PINK1: variants seen among roughly 807,000 people sequenced by gnomAD.
PINK1 encodes the protein PTEN induced kinase 1.
PINK1 carries 58 observed loss-of-function variants against 56.0 expected under a neutral mutation model. That is an observed-to-expected ratio of 1.04 (90% confidence interval 0.84 to 1.29). The LOEUF is 1.29. PINK1 is among the 50% of genes most tolerant of loss of function. The probability of loss-of-function intolerance (pLI) is 0.00; values close to 1 mark genes in which losing one functional copy is unlikely to be tolerated. For missense variants in PINK1, 745 were observed against 777.9 expected (o/e 0.96, Z 0.50); for synonymous variants, 354 against 339.3 (o/e 1.04, Z -0.48).
At position 20,648,381 on chromosome 1, in the gene PINK1, G is replaced by A. The variant is rs2053214339; in HGVS notation, c.1124-124G>A. On this transcript the variant is annotated intron_variant, in intron 5 of 7. Transcript: ENST00000321556. ...GCTCTCAGGCCTTGCTGACCTCCTGGGCCAACACTGAGCCATTAGCCCCTG... is the reference window on the plus strand; with the variant it reads ...GCTCTCAGGCCTTGCTGACCTCCTGAGCCAACACTGAGCCATTAGCCCCTG... 6 of 1,449,976 alleles carry A rather than the reference G, an allele frequency of 4.1e-6. No homozygotes were observed. The East Asian group carries it at 7.4e-5, about 18-fold the overall frequency. The allele number at this position is 1,449,976 out of a possible 1,614,324, so 89.8% of individuals were successfully genotyped here.
intron 1 of PINK1, among the ~76,000 whole-genome samples, chr1:20,634,707 A>C (rs1482085532): frequency 6.6e-6 from 1 of 152,224 alleles, no homozygotes; most frequent in Non-Finnish European, 1.5e-5. Context: ...GGGAGGAGCC[A>C]GCGGTGCAGT....
In PINK1 at chr1:20,633,862, G is replaced by A. The variant is rs543071128; in HGVS notation, c.314G>A (p.Gly105Glu). 2 of 1,578,076 alleles carry A rather than the reference G, an allele frequency of 1.3e-6. No individual in the cohort carries two copies. Among genetic ancestry groups the A allele is most frequent in the South Asian group, 1.2e-5 (1 of 86,540 alleles). ...GGCCGGGCAGTCTTTCTGGCCTTCG[G>A]GCTAGGGCTGGGCCTCATCGAGGAA... Reference protein sequence around the residue: ...PCGRAVFLAFGLGLGLIEEKQ... With the variant: ...PCGRAVFLAFELGLGLIEEKQ... Residue 105 changes from glycine to glutamate, a missense_variant, in exon 1 of 8, where the codon GGG becomes GAG. Coordinates refer to ENST00000321556, the MANE Select transcript of PINK1 (RefSeq NM_032409.3).
intron 5 of PINK1, chr1:20,648,184 A>C: frequency 2.5e-6 from 1 of 396,792 alleles, no homozygotes. Flanking sequence ...CTCCTGGGGT[A>C]TAAGGGCCCT....
chr1:20,637,735 G>T, intron 1 of PINK1, 107 bp from the exon 2 acceptor site: 1 of 1,320,730 alleles, frequency 7.6e-7, no homozygotes, highest in Non-Finnish European at 1.1e-6. Flanking sequence ...TATTGATCTG[G>T]TCGACGTGGA....
chr1:20,644,749 C>T (rs2053157441), intron 4 of PINK1, 77 bp downstream of exon 4: 2 of 1,550,342 alleles, frequency 1.3e-6, no homozygotes, highest in Middle Eastern at 2.0e-4. Context: ...TCCATGTGCA[C>T]CTTGATCAGG....
chr1:20,646,677 C>T (rs75236086), intron 5 of PINK1, among the ~76,000 whole-genome samples: 3,517 of 152,046 alleles, frequency 0.023, 123 homozygotes, highest in African/African-American at 0.069. Context: ...ATTTTTCAAA[C>T]AATGAAAGCT....
chr1:20,640,068 C>A, intron 3 of PINK1, 76 bp downstream of exon 3: 1 of 1,192,692 alleles, frequency 8.4e-7, no homozygotes, highest in Non-Finnish European at 1.2e-6. Context: ...GTCCTCAGCA[C>A]CTGGTACAGT....
intron 7 of PINK1, chr1:20,650,123 T>C: frequency 2.3e-6 from 1 of 438,496 alleles, no homozygotes. Context: ...TATGAAATGA[T>C]AGAGGAGACT....
chr1:20,634,123 C>A (rs1471176856), intron 1 of PINK1, among the ~76,000 whole-genome samples, 188 bp downstream of exon 1: 2 of 152,196 alleles, frequency 1.3e-5, no homozygotes, highest in Non-Finnish European at 2.9e-5. Flanking sequence ...GCCAGCACCT[C>A]CCATTTGTTT....
intron 2 of PINK1, chr1:20,639,457 G>A (rs532636834): frequency 3.7e-6 from 1 of 268,730 alleles, no homozygotes; most frequent in South Asian, 4.2e-5. Flanking sequence ...GGGGATGGAG[G>A]AAGGCTGTTC....
intron 3 of PINK1, 77 bp from the exon 4 acceptor site, chr1:20,644,413 G>A (rs2053150598): frequency 7.0e-7 from 1 of 1,427,932 alleles, no homozygotes; most frequent in African/African-American, 1.4e-5. Context: ...TGCCAGTGTT[G>A]GTGTGGCCTT....
Position 20,645,678 on chromosome 1 carries a change from C to A in PINK1, c.1078C>A (p.His360Asn). The A allele has an allele frequency of 6.2e-7, 1 of 1,614,026 alleles. No homozygotes were observed. The highest frequency in any genetic ancestry group is 8.5e-7 in the Non-Finnish European group (1 of 1,180,024). Residue 360 changes from histidine (H) to asparagine (N), a missense_variant, in exon 5 of 8, where the codon CAC (histidine) becomes AAC (asparagine). By Grantham distance (68) the His-to-Asn change is moderately conservative (BLOSUM62 1). Coordinates refer to ENST00000321556, the MANE Select transcript of PINK1 (RefSeq NM_032409.3). The part of the protein sequence containing the change: ...VDHLVQQGIA[H>N]RDLKSDNILV... ...CCATCTGGTTCAACAGGGCATCGCGCACAGAGACCTGAAATCCGACAACAT... is the reference window on the plus strand; with the variant it reads ...CCATCTGGTTCAACAGGGCATCGCGAACAGAGACCTGAAATCCGACAACAT...
chr1:20,644,791 G>A lies in PINK1; in HGVS notation c.959+119G>A, dbSNP rs550203458. ...TGGAGAACAGGGTCATCACCCTTCC[G>A]GAGAAGAAAGCCATGCAAAGGGAAC... On this transcript the variant is annotated intron_variant, in intron 4 of 7. Coordinates refer to ENST00000321556, the MANE Select transcript of PINK1 (RefSeq NM_032409.3). 91 of 1,316,552 alleles carry A rather than the reference G, an allele frequency of 6.9e-5. No homozygotes were observed. The African/African-American group carries it at 8.8e-4, about 13-fold the overall frequency. 81.6% of individuals were successfully genotyped at this position (1,316,552 alleles called of 1,614,324 possible). A position where few individuals can be genotyped will look rare whatever the true frequency, so the allele number is the denominator to read the frequency against.
At position 20,633,487 on chromosome 1, in the gene PINK1, G is replaced by A. The variant is rs2053011280; in HGVS notation, c.-62G>A. The stretch of plus-strand genomic sequence containing the variant: ...GCACCGCCCCAAGTTTGTTGTGACC[G>A]GCGGGGGACGCCGGTGGTGGCGGCA... On this transcript the variant is annotated 5_prime_UTR_variant, in exon 1 of 8. Coordinates refer to ENST00000321556, the MANE Select transcript of PINK1 (RefSeq NM_032409.3). 7.3e-6 allele frequency: 8 copies of A among 1,091,678 alleles called. No homozygotes were observed. The highest frequency in any genetic ancestry group is 8.9e-6 in the Non-Finnish European group (8 of 898,550). The allele number at this position is 1,091,678 out of a possible 1,614,324, so 67.6% of individuals were successfully genotyped here. A position where few individuals can be genotyped will look rare whatever the true frequency, so the allele number is the denominator to read the frequency against.
At chr1:20,646,695 T>C (rs1389914584) in intron 5 of PINK1, among the ~76,000 whole-genome samples, 1 of 152,060 alleles carries the variant, frequency 6.6e-6, no homozygotes, top group Non-Finnish European at 1.5e-5. Flanking sequence ...GCTGTCCAAA[T>C]GTAAGCCCAG....
At chr1:20,644,408 G>T (rs1448310591) in intron 3 of PINK1, 82 bp from the exon 4 acceptor site, 73 of 1,390,288 alleles carry the variant, frequency 5.3e-5, no homozygotes, top group Non-Finnish European at 6.9e-5. Context: ...GTCAGTGCCA[G>T]TGTTGGTGTG....
intron 7 of PINK1, chr1:20,650,113 T>G: frequency 2.4e-6 from 1 of 416,112 alleles, no homozygotes. Context: ...TGCAACCAGT[T>G]ATGAAATGAT....
At chr1:20,646,446 C>T (rs2053182679) in intron 5 of PINK1, among the ~76,000 whole-genome samples, 1 of 151,954 alleles carries the variant, frequency 6.6e-6, no homozygotes, top group South Asian at 2.1e-4. Context: ...GAGATCGAGA[C>T]CATCCTGGCC....
intron 7 of PINK1, chr1:20,649,465 C>T: frequency 3.6e-6 from 2 of 552,614 alleles, no homozygotes; most frequent in South Asian, 4.2e-5. Context: ...TTTTTAGTTG[C>T]TGAAAAAGTT....
Sources: gnomAD v4.1 joint callset for allele counts (sites outside exome capture counted in the v4.1 genomes callset) on GRCh38, gnomAD v4.1.1 for gene constraint, MANE v1.5 for transcripts, NCBI Gene and HGNC (gene_info 2026-07-23, HGNC 2026-07-21) for gene names.